Variants in PCDH15 observed in about 807,000 individuals in gnomAD.
PCDH15 encodes protocadherin-15.
A neutral mutation model predicts 178.5 loss-of-function variants in PCDH15; 129 were observed. That is an observed-to-expected ratio of 0.72 (90% confidence interval 0.63 to 0.84). PCDH15 has a LOEUF of 0.84. Ranked by LOEUF, PCDH15 falls within the 40% of genes least tolerant of loss-of-function variation. PCDH15 has a pLI of 0.00. For missense variants in PCDH15, 2,230 were observed against 2,099.9 expected (o/e 1.06, Z -1.21); for synonymous variants, 800 against 732.0 (o/e 1.09, Z -1.50).
At chr10:55,432,596 A>G (rs1838909573) in intron 2 of PCDH15, among the ~76,000 whole-genome samples, 1 of 152,088 alleles carries the variant, frequency 6.6e-6, no homozygotes, top group Non-Finnish European at 1.5e-5. Flanking sequence ...TAATATGAAG[A>G]GACATTTCAG....
chr10:55,293,625 C>T (rs1270815602), intron 1 of PCDH15, among the ~76,000 whole-genome samples: 2 of 152,180 alleles, frequency 1.3e-5, no homozygotes, highest in Non-Finnish European at 2.9e-5. Context: ...AATCATCTCT[C>T]TCAGGTTCAA....
chr10:55,128,068 A>G (rs1316962619), intron 2 of PCDH15, among the ~76,000 whole-genome samples: 3 of 151,998 alleles, frequency 2.0e-5, no homozygotes, highest in Non-Finnish European at 4.4e-5. Flanking sequence ...TAGAGAGTGT[A>G]GATACTGGAT....
At chr10:54,149,087 G>A (rs2044263417) in intron 14 of PCDH15, among the ~76,000 whole-genome samples, 1 of 152,012 alleles carries the variant, frequency 6.6e-6, no homozygotes, top group Non-Finnish European at 1.5e-5. Flanking sequence ...AGACCTTTGA[G>A]GCTGTGCAAA....
chr10:54,241,628 G>C (rs2055308028), intron 8 of PCDH15, among the ~76,000 whole-genome samples: 1 of 152,068 alleles, frequency 6.6e-6, no homozygotes, highest in African/African-American at 2.4e-5. Flanking sequence ...TTCAAGAAGA[G>C]GTCATGTCTC....
chr10:54,832,861 G>T (rs972768544), intron 3 of PCDH15, among the ~76,000 whole-genome samples: 11 of 152,090 alleles, frequency 7.2e-5, no homozygotes, highest in Non-Finnish European at 1.6e-4. Flanking sequence ...GACACTATAG[G>T]TCATTCAACA....
intron 2 of PCDH15, among the ~76,000 whole-genome samples, chr10:54,660,728 C>G (rs1344670320): frequency 1.3e-5 from 2 of 151,972 alleles, no homozygotes; most frequent in Admixed American, 1.3e-4. Context: ...GCTAGTGAAC[C>G]AAATCCAGCA....
intron 2 of PCDH15, among the ~76,000 whole-genome samples, chr10:54,918,240 C>T (rs1405416795): frequency 6.6e-6 from 1 of 152,018 alleles, no homozygotes; most frequent in Non-Finnish European, 1.5e-5. Context: ...GATGAAATTA[C>T]ATTACTCTGA....
intron 2 of PCDH15, among the ~76,000 whole-genome samples, chr10:55,146,039 CT>C (rs11287942): frequency 0.9 from 136,971 of 151,820 alleles, 62,468 homozygotes; most frequent in Non-Finnish European, 0.97. Context: ...TCGAACTCAG[CT>C]TTTTTTCTGT....
chr10:54,459,304 T>C, intron 3 of PCDH15, among the ~76,000 whole-genome samples: 2 of 152,238 alleles, frequency 1.3e-5, no homozygotes, highest in South Asian at 4.1e-4. Flanking sequence ...AAAGTACATA[T>C]AGCTCATGTT....
At chr10:53,958,209 A>G (rs551516149) in intron 23 of PCDH15, among the ~76,000 whole-genome samples, 2 of 152,188 alleles carry the variant, frequency 1.3e-5, no homozygotes, top group Non-Finnish European at 2.9e-5. Flanking sequence ...TTCATTTTTC[A>G]TTATCCTCAA....
chr10:54,919,893 G>GAATAAAA, intron 2 of PCDH15, among the ~76,000 whole-genome samples: 1 of 146,650 alleles, frequency 6.8e-6, no homozygotes. Flanking sequence ...TGAGGTTTGG[G>GAATAAAA]AAAAAAAAAA....
At chr10:54,223,562 T>TTTTTTTTTTTTTTTGA (rs1554845758) in intron 9 of PCDH15, among the ~76,000 whole-genome samples, 26 of 146,136 alleles carry the variant, frequency 1.8e-4, no homozygotes, top group Non-Finnish European at 3.0e-4. Flanking sequence ...ATATTATTTT[T>TTTTTTTTTTTTTTTGA]GAAGTGTTTA....
chr10:54,737,656 A>G (rs536836309), intron 1 of PCDH15, among the ~76,000 whole-genome samples: 4 of 152,158 alleles, frequency 2.6e-5, no homozygotes, highest in African/African-American at 9.6e-5. Context: ...TGAAGTCAAA[A>G]GCATAAATTT....
Position 54,654,508 on chromosome 10 carries a change from T to C in PCDH15, c.91+9664A>G, listed in dbSNP as rs1326228806. Among the ~76,000 whole-genome samples, 5 of 152,150 alleles carry C rather than the reference T, an allele frequency of 3.3e-5. No individual in the cohort carries two copies. The South Asian group carries it at 1.0e-3, about 31-fold the overall frequency. ...AAATTATAGTACTTGTCTAAGGAAG[T>C]AGTTACTGGAAGCCATAGAGAGTGC... On this transcript the variant is annotated intron_variant, in intron 2 of 37. Transcript: ENST00000644397.
chr10:54,196,166 A>G (rs1034191508), intron 10 of PCDH15, among the ~76,000 whole-genome samples: 1 of 152,088 alleles, frequency 6.6e-6, no homozygotes, highest in Admixed American at 6.5e-5. Flanking sequence ...TTTTTGAGAC[A>G]GAGTCTTGCT....
chr10:54,209,305 G>GAA (rs1322405802), intron 10 of PCDH15, among the ~76,000 whole-genome samples: 1 of 152,050 alleles, frequency 6.6e-6, no homozygotes, highest in African/African-American at 2.4e-5. Context: ...TTGGCAGTGT[G>GAA]AAAAGATGGA....
At chr10:54,922,560 G>A (rs558531155) in intron 2 of PCDH15, among the ~76,000 whole-genome samples, 6 of 152,160 alleles carry the variant, frequency 3.9e-5, no homozygotes, top group Admixed American at 2.6e-4. Context: ...GGATTATTGG[G>A]AAGACATGAT....
intron 2 of PCDH15, among the ~76,000 whole-genome samples, chr10:54,567,440 G>T (rs1358065896): frequency 2.6e-5 from 4 of 152,072 alleles, no homozygotes; most frequent in Non-Finnish European, 4.4e-5. Flanking sequence ...GTTTTTAATA[G>T]AAATCATATT....
chr10:55,509,763 G>A (rs12266585), intron 2 of PCDH15, among the ~76,000 whole-genome samples: 1 of 151,838 alleles, frequency 6.6e-6, no homozygotes, highest in Admixed American at 6.6e-5. Context: ...TAAACTTGCA[G>A]AAAATTGGGT....
Sources: allele counts gnomAD v4.1 joint callset (sites outside exome capture counted in the v4.1 genomes callset), GRCh38; gene constraint gnomAD v4.1.1; transcripts MANE v1.5; gene names NCBI Gene and HGNC (gene_info 2026-07-23, HGNC 2026-07-21).